SESTD1: variants seen among roughly 807,000 people sequenced by gnomAD.
SESTD1 encodes SEC14 and spectrin domain containing 1, also known as SEC14 domain and spectrin repeat-containing protein 1.
Under a neutral mutation model 101.7 loss-of-function variants are expected in SESTD1, and 43 were observed. The observed-to-expected ratio is 0.42, with a 90% CI of 0.33 to 0.55. SESTD1 has a LOEUF of 0.55. Ranked by LOEUF, SESTD1 falls within the 20% of genes least tolerant of loss-of-function variation. The pLI is 0.07. For synonymous variants in SESTD1, 283 were observed against 286.8 expected (o/e 0.99, Z 0.13); for missense variants, 647 against 815.1 (o/e 0.79, Z 2.51).
At chr2:179,164,127 T>C (rs2045792752) in intron 5 of SESTD1, among the ~76,000 whole-genome samples, 1 of 152,198 alleles carries the variant, frequency 6.6e-6, no homozygotes, top group African/African-American at 2.4e-5. Context: ...ACATACTATT[T>C]TGATGTGTAT....
At chr2:179,180,323 G>C (rs901360997) in intron 3 of SESTD1, among the ~76,000 whole-genome samples, 2 of 152,182 alleles carry the variant, frequency 1.3e-5, no homozygotes, top group African/African-American at 4.8e-5. Context: ...CGTTAAGATA[G>C]TCATTGCATG....
chr2:179,264,608 TG>T lies in SESTD1; in HGVS notation c.-136del, dbSNP rs1444464892. The T allele has an allele frequency of 2.0e-5, 3 of 150,862 alleles. No homozygotes were observed. The highest frequency in any genetic ancestry group is 4.4e-5 in the Non-Finnish European group (3 of 68,448). 9.3% of individuals were successfully genotyped at this position (150,862 alleles called of 1,614,324 possible). On this transcript the variant is annotated 5_prime_UTR_variant, in exon 1 of 18. Transcript: ENST00000428443. ...AGGGCGCGGCGGGAGGAAGGCGGGC[TG>T]GGGGCGGAGCGGGCCCGGGCGGCGG...
chr2:179,246,198 T>C (rs2047227792), intron 1 of SESTD1, among the ~76,000 whole-genome samples: 1 of 135,826 alleles, frequency 7.4e-6, no homozygotes, highest in South Asian at 2.2e-4. Flanking sequence ...GAGGTTGCAG[T>C]GAGCCAAGAT....
At chr2:179,188,529 T>C (rs911907896) in intron 2 of SESTD1, among the ~76,000 whole-genome samples, 2 of 152,144 alleles carry the variant, frequency 1.3e-5, no homozygotes, top group Non-Finnish European at 2.9e-5. Context: ...TCTCAGCTAA[T>C]TGTCAGGGCT....
rs1291037991 is a variant in SESTD1, at chr2:179,216,383, T to C, written c.-25-24517A>G. Among the ~76,000 whole-genome samples, 8 of 134,862 alleles carry C rather than the reference T, an allele frequency of 5.9e-5. 2 individuals carry two copies. The highest frequency in any genetic ancestry group is 1.2e-4 in the African/African-American group (4 of 33,970). The allele number at this position is 134,862 out of a possible 152,430, so 88.5% of individuals were successfully genotyped here. On this transcript the variant is annotated intron_variant, in intron 1 of 17. Transcript: ENST00000428443. ...ATCGTGAGTGAACTCCCATTCACAA[T>C]TGCTTCAGAGAATAAAATACCTAGG...
At position 179,212,535 on chromosome 2, in the gene SESTD1, C is replaced by G. The variant is rs1001791296; in HGVS notation, c.-25-20669G>C. 2.2e-5 allele frequency among the ~76,000 whole-genome samples: 3 copies of G among 136,130 alleles called. 1 individual carries two copies. The highest frequency in any genetic ancestry group is 3.2e-5 in the Non-Finnish European group (2 of 63,026). 89.3% of individuals were successfully genotyped at this position (136,130 alleles called of 152,430 possible). A position where few individuals can be genotyped will look rare whatever the true frequency, so the allele number is the denominator to read the frequency against. The stretch of plus-strand genomic sequence containing the variant: ...CACAGCTCAACAAGGCCTATTGCCT[C>G]TATAGACTCCACCTCTGTGGGCAGG... On this transcript the variant is annotated intron_variant, in intron 1 of 17. Coordinates refer to ENST00000428443, the MANE Select transcript of SESTD1 (RefSeq NM_178123.5).
intron 1 of SESTD1, among the ~76,000 whole-genome samples, chr2:179,258,580 T>C (rs1335683706): frequency 6.6e-6 from 1 of 152,192 alleles, no homozygotes; most frequent in African/African-American, 2.4e-5. Context: ...GCAATTAAAT[T>C]ATAACGCAGA....
intron 1 of SESTD1, among the ~76,000 whole-genome samples, chr2:179,194,833 T>C (rs2046366799): frequency 6.6e-6 from 1 of 152,102 alleles, no homozygotes; most frequent in South Asian, 2.1e-4. Context: ...AATATACTAA[T>C]ATGAACCCCC....
intron 1 of SESTD1, among the ~76,000 whole-genome samples, chr2:179,229,669 T>C (rs983042982): frequency 6.7e-6 from 1 of 149,676 alleles, no homozygotes; most frequent in Admixed American, 6.7e-5. Context: ...AATTAGATGA[T>C]GAAAAAAGAA....
chr2:179,199,030 C>A (rs1011789616), intron 1 of SESTD1, among the ~76,000 whole-genome samples: 5 of 151,922 alleles, frequency 3.3e-5, no homozygotes, highest in Non-Finnish European at 2.9e-5. Flanking sequence ...GGTTTTTTGA[C>A]AGGATCAACA....
chr2:179,119,361 T>C (rs1207501438), intron 13 of SESTD1, among the ~76,000 whole-genome samples: 1 of 152,160 alleles, frequency 6.6e-6, no homozygotes, highest in African/African-American at 2.4e-5. Flanking sequence ...GATGGTAACT[T>C]TAACCTAGGC....
chr2:179,122,804 G>A (rs1268683300), intron 12 of SESTD1, among the ~76,000 whole-genome samples: 2 of 152,274 alleles, frequency 1.3e-5, no homozygotes, highest in Admixed American at 6.5e-5. Context: ...GCTGAGGCAG[G>A]AGAATCACTT....
At chr2:179,190,056 A>T (rs2105495141) in intron 2 of SESTD1, among the ~76,000 whole-genome samples, 1 of 152,250 alleles carries the variant, frequency 6.6e-6, no homozygotes, top group East Asian at 1.9e-4. Context: ...AAAAAACTAA[A>T]GTTCATATGG....
chr2:179,141,960 C>CTGGA (rs747993232), intron 9 of SESTD1, among the ~76,000 whole-genome samples: 7 of 152,160 alleles, frequency 4.6e-5, no homozygotes, highest in Non-Finnish European at 1.0e-4. Context: ...ATTCTAAATC[C>CTGGA]TTTTGCCTGA....
At chr2:179,147,668 A>G (rs1040502992) in intron 7 of SESTD1, among the ~76,000 whole-genome samples, 2 of 152,112 alleles carry the variant, frequency 1.3e-5, no homozygotes, top group Non-Finnish European at 1.5e-5. Flanking sequence ...CCTGAACAAG[A>G]TATGTTTTAA....
At chr2:179,125,127 C>T (rs1247487696) in intron 10 of SESTD1, among the ~76,000 whole-genome samples, 2 of 152,106 alleles carry the variant, frequency 1.3e-5, no homozygotes, top group African/African-American at 4.8e-5. Flanking sequence ...CTTGTCCTCA[C>T]CTCAACTCAG....
chr2:179,222,500 G>A (rs2046828894), intron 1 of SESTD1, among the ~76,000 whole-genome samples: 1 of 151,894 alleles, frequency 6.6e-6, no homozygotes, highest in African/African-American at 2.4e-5. Context: ...TAACTCCACT[G>A]AGGCCACCGT....
At chr2:179,162,533 C>CT (rs1389411964) in intron 5 of SESTD1, 3 of 152,074 alleles carry the variant, frequency 2.0e-5, no homozygotes, top group African/African-American at 7.2e-5. Context: ...TAAAATTCAT[C>CT]TATAAGAAAA....
At chr2:179,258,511 A>C (rs990935373) in intron 1 of SESTD1, among the ~76,000 whole-genome samples, 8 of 152,284 alleles carry the variant, frequency 5.3e-5, no homozygotes, top group Admixed American at 2.6e-4. Context: ...ATAGGTCTTT[A>C]CAAACCAATT....
Sources: gnomAD v4.1 joint callset for allele counts (sites outside exome capture counted in the v4.1 genomes callset) on GRCh38, gnomAD v4.1.1 for gene constraint, MANE v1.5 for transcripts, NCBI Gene and HGNC (gene_info 2026-07-23, HGNC 2026-07-21) for gene names.